Variants in CDC37L1 observed in about 807,000 individuals in gnomAD.
CDC37L1 encodes the protein cell division cycle 37 like 1, HSP90 cochaperone.
CDC37L1 carries 32 observed loss-of-function variants against 45.9 expected under a neutral mutation model. The observed-to-expected ratio is 0.70, with a 90% confidence interval of 0.53 to 0.94. The LOEUF (loss-of-function observed/expected upper bound fraction) is 0.94, where lower values mean the gene tolerates loss of function less well. Among genes scored for constraint, CDC37L1 ranks in the 40% least tolerant of loss-of-function variants. The pLI is 0.00. For synonymous variants in CDC37L1, 150 were observed against 133.0 expected (o/e 1.13, Z -0.88); for missense variants, 434 against 405.7 (o/e 1.07, Z -0.60).
At chr9:4,685,340 T>C (rs4141982) in intron 2 of CDC37L1, 182 bp downstream of exon 2, 225,951 of 530,788 alleles carry the variant, frequency 0.43, 53,959 homozygotes, top group African/African-American at 0.78. Context: ...GCTGTAGAGC[T>C]GCAGACTCCA....
chr9:4,688,951 T>C (rs1360063717), intron 3 of CDC37L1, among the ~76,000 whole-genome samples: 2 of 152,184 alleles, frequency 1.3e-5, no homozygotes, highest in African/African-American at 2.4e-5. Flanking sequence ...TTATCTTATG[T>C]TTTAAAGATT....
At chr9:4,685,384 A>G (rs886867786) in intron 2 of CDC37L1, 3 of 425,740 alleles carry the variant, frequency 7.0e-6, no homozygotes, top group Non-Finnish European at 1.3e-5. Context: ...ATACATATTT[A>G]TATAAATGTA....
rs773139963 is a variant in CDC37L1 at position 4,684,861 on chromosome 9, T to C, written c.133-16T>C. 2 of 1,586,690 alleles carry C rather than the reference T, an allele frequency of 1.3e-6. No homozygotes were observed. The highest frequency in any genetic ancestry group is 8.6e-7 in the Non-Finnish European group (1 of 1,159,852). ...CATTGCTTTCTTCATTTCTTACAAA[T>C]ATTGTTTTTATCCAGATGTATAGCC... On this transcript the variant is annotated splice_polypyrimidine_tract_variant and intron_variant, in intron 1 of 6. Coordinates refer to ENST00000381854, the MANE Select transcript of CDC37L1 (RefSeq NM_017913.4).
chr9:4,702,866 G>A (rs1429196510), intron 6 of CDC37L1, among the ~76,000 whole-genome samples: 1 of 134,238 alleles, frequency 7.4e-6, no homozygotes, highest in African/African-American at 2.9e-5. Flanking sequence ...TCCAGCCTGG[G>A]CGACAGAGCA....
intron 3 of CDC37L1, among the ~76,000 whole-genome samples, chr9:4,696,033 G>A (rs954992605): frequency 6.6e-6 from 1 of 152,202 alleles, no homozygotes; most frequent in Admixed American, 6.5e-5. Flanking sequence ...TGATCCGCCT[G>A]CCTTGGCCTC....
In CDC37L1 at chr9:4,679,589, C is replaced by T. The variant is rs1047999598; in HGVS notation, c.-179C>T. The T allele has an allele frequency of 1.3e-5, 7 of 534,834 alleles. 1 individual carries two copies. The highest frequency in any genetic ancestry group is 1.2e-4 in the South Asian group (4 of 32,820). The allele number at this position is 534,834 out of a possible 1,614,324, so 33.1% of individuals were successfully genotyped here. Reference sequence around the variant, plus strand: ...TATTTCTTCCGCCGTCCGCCGGTGGCGAGGCCCAGGCTGTCGCCGGGTGTG... The same window carrying T: ...TATTTCTTCCGCCGTCCGCCGGTGGTGAGGCCCAGGCTGTCGCCGGGTGTG... On this transcript the variant is annotated 5_prime_UTR_variant, in exon 1 of 7. Transcript: ENST00000381854.
intron 6 of CDC37L1, 30 bp from the exon 7 acceptor site, chr9:4,705,980 TC>T: frequency 9.4e-7 from 1 of 1,065,600 alleles, no homozygotes. Context: ...GTTCTTTTTC[TC>T]CCCCCAATCT....
rs1841165441 is a variant in CDC37L1, at chr9:4,679,606, C to T, written c.-162C>T. 1 of 607,426 alleles carries T rather than the reference C, an allele frequency of 1.6e-6. No homozygotes were observed. The allele number at this position is 607,426 out of a possible 1,614,324, so 37.6% of individuals were successfully genotyped here. ...GCCGGTGGCGAGGCCCAGGCTGTCGCCGGGTGTGCAGCGGCGTCGCGGCCA... is the reference window on the plus strand; with the variant it reads ...GCCGGTGGCGAGGCCCAGGCTGTCGTCGGGTGTGCAGCGGCGTCGCGGCCA... On this transcript the variant is annotated 5_prime_UTR_variant, in exon 1 of 7. Coordinates refer to ENST00000381854, the MANE Select transcript of CDC37L1 (RefSeq NM_017913.4).
At chr9:4,690,774 G>A (rs905499231) in intron 3 of CDC37L1, among the ~76,000 whole-genome samples, 7 of 152,152 alleles carry the variant, frequency 4.6e-5, no homozygotes, top group African/African-American at 1.7e-4. Context: ...AATGCATGTT[G>A]TCTTTAACTT....
intron 6 of CDC37L1, chr9:4,703,141 GAAGGA>G: frequency 6.6e-7 from 1 of 1,512,734 alleles, no homozygotes; most frequent in Non-Finnish European, 8.9e-7. Context: ...TACATTGTGA[GAAGGA>G]AAGTCTTATT....
intron 1 of CDC37L1, among the ~76,000 whole-genome samples, chr9:4,682,219 A>G (rs1013379952): frequency 5.6e-5 from 8 of 142,632 alleles, no homozygotes; most frequent in African/African-American, 1.9e-4. Context: ...CTGGAGTGCA[A>G]TGGCACGATA....
chr9:4,694,283 T>C (rs1841326922), intron 3 of CDC37L1, among the ~76,000 whole-genome samples: 1 of 152,280 alleles, frequency 6.6e-6, no homozygotes, highest in Non-Finnish European at 1.5e-5. Context: ...TCTCATTTTG[T>C]TGCCTAGACT....
intron 3 of CDC37L1, among the ~76,000 whole-genome samples, chr9:4,693,460 A>G (rs1841319790): frequency 6.6e-6 from 1 of 151,998 alleles, no homozygotes; most frequent in African/African-American, 2.4e-5. Context: ...AAAGAAATAA[A>G]TTAATTAATA....
chr9:4,679,949 A>G (rs748716544), intron 1 of CDC37L1, 50 bp downstream of exon 1: 2 of 1,602,088 alleles, frequency 1.2e-6, no homozygotes, highest in East Asian at 2.2e-5. Context: ...GCTGTCGCCA[A>G]ACCCCTGGAA....
chr9:4,702,582 T>C (rs1043470902), intron 6 of CDC37L1, among the ~76,000 whole-genome samples: 5 of 152,062 alleles, frequency 3.3e-5, no homozygotes, highest in African/African-American at 1.2e-4. Flanking sequence ...AGTGGTTTGA[T>C]CAAGATAAAA....
chr9:4,681,061 AT>A (rs1841187966), intron 1 of CDC37L1, among the ~76,000 whole-genome samples: 1 of 152,208 alleles, frequency 6.6e-6, no homozygotes. Context: ...TCACCCACTA[AT>A]TTTGGATCAC....
intron 3 of CDC37L1, among the ~76,000 whole-genome samples, chr9:4,692,959 A>T (rs945815451): frequency 6.6e-6 from 1 of 152,146 alleles, no homozygotes; most frequent in Admixed American, 6.6e-5. Flanking sequence ...GTTTGGTTTC[A>T]AGTAAGATGG....
chr9:4,680,735 GACTAAAC>G (rs1402127109), intron 1 of CDC37L1, among the ~76,000 whole-genome samples: 1 of 152,152 alleles, frequency 6.6e-6, no homozygotes, highest in Admixed American at 6.6e-5. Flanking sequence ...CAGAATCACA[GACTAAAC>G]ACTAATATAT....
intron 3 of CDC37L1, 52 bp downstream of exon 3, chr9:4,688,658 C>T (rs1841273419): frequency 8.7e-7 from 1 of 1,153,714 alleles, no homozygotes; most frequent in Non-Finnish European, 1.2e-6. Context: ...ATCATATGTA[C>T]ATGTGCAAAA....
Sources: allele counts gnomAD v4.1 joint callset (sites outside exome capture counted in the v4.1 genomes callset), GRCh38; gene constraint gnomAD v4.1.1; transcripts MANE v1.5; gene names NCBI Gene and HGNC (gene_info 2026-07-23, HGNC 2026-07-21).